The following ARHGEF18 variants were observed in gnomAD, a reference collection of about 807,000 sequenced individuals.
ARHGEF18 encodes the protein Rho/Rac guanine nucleotide exchange factor 18, also known as rho guanine nucleotide exchange factor 18.
Under a neutral mutation model 155.7 loss-of-function variants are expected in ARHGEF18, and 93 were observed. The observed-to-expected ratio is 0.60, with a 90% CI of 0.50 to 0.71. ARHGEF18 has a LOEUF of 0.71. Among genes scored for constraint, ARHGEF18 ranks in the 30% least tolerant of loss-of-function variants. The pLI, the probability that ARHGEF18 is intolerant of heterozygous loss-of-function variation, is 0.00. For missense variants in ARHGEF18, 1,593 were observed against 1,816.1 expected, an observed-to-expected ratio of 0.88 and a Z score of 2.23; for synonymous variants, 742 against 753.1, an observed-to-expected ratio of 0.99 and a Z score of 0.24.
chr19:7,469,244 A>T lies in ARHGEF18; in HGVS notation c.3787+113A>T, dbSNP rs1976864314. 33 of 1,327,196 alleles carry T rather than the reference A, an allele frequency of 2.5e-5. No individual in the cohort carries two copies. The South Asian group carries it at 4.5e-4, about 18-fold the overall frequency. The allele number at this position is 1,327,196 out of a possible 1,614,324, so 82.2% of individuals were successfully genotyped here. Reference sequence around the variant, plus strand: ...ACCTGTGCCATCCTCTGGAGAGGAAAACCAGAAGGCACAGCTGGCATCGTG... The same window carrying T: ...ACCTGTGCCATCCTCTGGAGAGGAATACCAGAAGGCACAGCTGGCATCGTG... On this transcript the variant is annotated intron_variant, in intron 27 of 28. Transcript: ENST00000668164.
intron 18 of ARHGEF18, among the ~76,000 whole-genome samples, chr19:7,457,387 G>A (rs1388151672): frequency 5.9e-5 from 6 of 101,602 alleles, no homozygotes. Context: ...TTTTGAGACA[G>A]TCTCACTCTG....
At chr19:7,396,818 C>T (rs1290102197) in intron 10 of ARHGEF18, among the ~76,000 whole-genome samples, 2 of 151,916 alleles carry the variant, frequency 1.3e-5, no homozygotes, top group South Asian at 2.1e-4. Context: ...ACTAAGTTTC[C>T]GTCTTCCCAT....
At chr19:7,439,566 C>T in intron 10 of ARHGEF18, 4 of 480,840 alleles carry the variant, frequency 8.3e-6, no homozygotes, top group Non-Finnish European at 8.3e-6. Context: ...TGGGTGTAGA[C>T]AGCGGTTTGC....
At chr19:7,452,970 C>T (rs945489347) in intron 16 of ARHGEF18, among the ~76,000 whole-genome samples, 8 of 151,462 alleles carry the variant, frequency 5.3e-5, no homozygotes, top group Non-Finnish European at 1.0e-4. Flanking sequence ...CTGAGGCAGG[C>T]GGATCACTTG....
chr19:7,405,599 C>CA (rs1308251279), intron 10 of ARHGEF18, among the ~76,000 whole-genome samples: 23 of 152,172 alleles, frequency 1.5e-4, no homozygotes, highest in African/African-American at 5.3e-4. Context: ...TTGTAAACAA[C>CA]AAATTTGTTT....
intron 15 of ARHGEF18, among the ~76,000 whole-genome samples, chr19:7,450,647 A>C (rs796072290): frequency 0.026 from 3 of 116 alleles, no homozygotes; most frequent in African/African-American, 0.094. Context: ...AGATGTTAAT[A>C]CGGGATCTTG....
intron 2 of ARHGEF18, among the ~76,000 whole-genome samples, chr19:7,366,333 C>T (rs916199320): frequency 2.6e-5 from 4 of 152,192 alleles, no homozygotes; most frequent in Non-Finnish European, 5.9e-5. Context: ...CATGCTTTGG[C>T]CAACCAGACT....
At chr19:7,457,353 CTTTTTT>C (rs1159186670) in intron 18 of ARHGEF18, among the ~76,000 whole-genome samples, 2 of 60,216 alleles carry the variant, frequency 3.3e-5, no homozygotes, top group African/African-American at 1.6e-4. Context: ...AATCACCTCT[CTTTTTT>C]TTTTTTTTTT....
intron 10 of ARHGEF18, among the ~76,000 whole-genome samples, chr19:7,435,000 G>C (rs987009616): frequency 2.6e-5 from 4 of 152,206 alleles, no homozygotes; most frequent in African/African-American, 7.2e-5. Context: ...TCAAGAGTTT[G>C]AGACCAGCTT....
chr19:7,411,670 A>T (rs11260061), intron 10 of ARHGEF18, among the ~76,000 whole-genome samples: 80,739 of 151,808 alleles, frequency 0.53, 22,199 homozygotes, highest in Middle Eastern at 0.73. Context: ...TTAAACACAT[A>T]CACATTGCTG....
downstream of ARHGEF18, among the ~76,000 whole-genome samples, chr19:7,474,584 A>G (rs749893538): frequency 4.0e-5 from 6 of 151,610 alleles, no homozygotes; most frequent in Non-Finnish European, 7.4e-5. Flanking sequence ...CACCATGTTG[A>G]CCAGGCTGGT....
At chr19:7,426,721 C>T (rs1431297945) in intron 10 of ARHGEF18, among the ~76,000 whole-genome samples, 3 of 152,168 alleles carry the variant, frequency 2.0e-5, no homozygotes, top group Non-Finnish European at 4.4e-5. Flanking sequence ...GGAATGCTTC[C>T]ACCAGGATAA....
intron 6 of ARHGEF18, 93 bp downstream of exon 6, chr19:7,378,544 C>A: frequency 9.3e-7 from 1 of 1,078,104 alleles, no homozygotes; most frequent in Non-Finnish European, 1.2e-6. Context: ...TGCAGTGTTG[C>A]TGGCCATAAG....
chr19:7,478,432 C>T, the ARHGEF18 span: 2 of 1,545,468 alleles, frequency 1.3e-6, no homozygotes, highest in Admixed American at 1.9e-5. Flanking sequence ...AGGGTTAGCT[C>T]CACAACGCTG....
Position 7,467,132 on chromosome 19 carries a change from G to C in ARHGEF18, c.3009+14G>C, listed in dbSNP as rs1182212022. ...CTGAACCTTCAGGTACAGGGGCGGG[G>C]TGGGGCCGGCCACGCGTGCCCTTTC... On this transcript the variant is annotated intron_variant, in intron 25 of 28. Transcript: ENST00000668164. The C allele has an allele frequency of 6.3e-7, 1 of 1,592,766 alleles. No individual in the cohort carries two copies. Among genetic ancestry groups the C allele is most frequent in the South Asian group, 1.1e-5 (1 of 89,476 alleles).
chr19:7,451,245 C>A lies in ARHGEF18; in HGVS notation c.1834C>A (p.Arg612Ser), dbSNP rs766437964. The A allele has an allele frequency of 6.2e-7, 1 of 1,613,230 alleles. No homozygotes were observed. The highest frequency in any genetic ancestry group is 1.3e-5 in the African/African-American group (1 of 74,688). The change falls in exon 16 of 29, where the codon CGC (arginine) becomes AGC (serine). Residue 612 changes from arginine (R) to serine (S), a missense_variant. By Grantham distance (110) the Arg-to-Ser change is moderately radical. Coordinates refer to ENST00000668164, the MANE Select transcript of ARHGEF18 (RefSeq NM_001367823.1). ...AACCAAATACCCAGTGCTGGTGGAG[C>A]GCATCATCCAGAACACGGAAGGTAG... ...RITKYPVLVE[R>S]IIQNTEAGTE...
In ARHGEF18 at chr19:7,395,004, G is replaced by A. The variant is rs1971608231; in HGVS notation, c.967+11801G>A. On this transcript the variant is annotated intron_variant, in intron 10 of 28. Coordinates refer to ENST00000668164, the MANE Select transcript of ARHGEF18 (RefSeq NM_001367823.1). This position sits in a 1 kb window ranked among gnomAD's most constrained non-coding sequence, Gnocchi z 5.0. ...CGACGCCCCCTCACCACGGCTCGGG[G>A]AGCAGCAGCCCCAGGTCCCCGGGAG... 4.1e-6 allele frequency: 4 copies of A among 973,560 alleles called. No homozygotes were observed. The highest frequency in any genetic ancestry group is 1.8e-5 in the African/African-American group (1 of 57,086). The allele number at this position is 973,560 out of a possible 1,614,324, so 60.3% of individuals were successfully genotyped here.
At chr19:7,469,189 C>G in intron 27 of ARHGEF18, 58 bp downstream of exon 27, 1 of 1,489,856 alleles carries the variant, frequency 6.7e-7, no homozygotes, top group East Asian at 2.5e-5. Flanking sequence ...CAGGCTCTAG[C>G]GGCTCGCTGG....
intron 10 of ARHGEF18, among the ~76,000 whole-genome samples, chr19:7,438,472 C>T (rs1343968307): frequency 4.6e-5 from 7 of 150,884 alleles, no homozygotes; most frequent in African/African-American, 9.8e-5. Flanking sequence ...AGTGCAGTGG[C>T]ACGGTCTCGG....
Sources: gnomAD v4.1 joint callset for allele counts (sites outside exome capture counted in the v4.1 genomes callset) on GRCh38, gnomAD v4.1.1 for gene constraint, Gnocchi (gnomAD v3.1) non-coding constraint, MANE v1.5 for transcripts, NCBI Gene and HGNC (gene_info 2026-07-23, HGNC 2026-07-21) for gene names.